The following FARP1 variants were observed in gnomAD, a reference collection of about 807,000 sequenced individuals.
The protein encoded by FARP1 is FERM, ARHGEF and pleckstrin domain-containing protein 1.
FARP1 carries 52 observed loss-of-function variants against 128.8 expected under a neutral mutation model. The observed-to-expected ratio is 0.40, with a 90% CI of 0.32 to 0.51. The LOEUF (loss-of-function observed/expected upper bound fraction) is 0.51, where lower values mean the gene tolerates loss of function less well. FARP1 is among the 20% of genes least tolerant of loss of function. FARP1 has a pLI of 0.45. For synonymous variants in FARP1, 580 were observed against 551.8 expected (o/e 1.05, Z -0.72); for missense variants, 1,333 against 1,367.9 (o/e 0.97, Z 0.40).
At chr13:98,234,362 T>G (rs1312765463) in intron 2 of FARP1, 7 of 152,222 alleles carry the variant, frequency 4.6e-5, no homozygotes, top group Non-Finnish European at 1.0e-4. Flanking sequence ...ATCTCAAACA[T>G]GAGAGAGCAT....
At chr13:98,222,595 G>T (rs1156700337) in intron 2 of FARP1, among the ~76,000 whole-genome samples, 1 of 151,688 alleles carries the variant, frequency 6.6e-6, no homozygotes. Context: ...CTGTGCTAGT[G>T]CCTGTGACAG....
At chr13:98,371,552 T>A (rs1889331613) in intron 5 of FARP1, among the ~76,000 whole-genome samples, 1 of 145,070 alleles carries the variant, frequency 6.9e-6, no homozygotes, top group Non-Finnish European at 1.6e-5. Flanking sequence ...TGATCTGAAA[T>A]TCCTACTTTT....
chr13:98,375,863 A>G (rs971333534), intron 5 of FARP1, among the ~76,000 whole-genome samples: 4 of 152,156 alleles, frequency 2.6e-5, no homozygotes, highest in Admixed American at 2.6e-4. Context: ...TCCTGACTTC[A>G]GGTGATCCAC....
At position 98,454,538 on chromosome 13, in the gene FARP1, A is replaced by G. The variant is rs879627791; in HGVS notation, c.*6221A>G. 5 of 152,348 alleles carry G rather than the reference A, an allele frequency of 3.3e-5. No homozygotes were observed. The highest frequency in any genetic ancestry group is 6.5e-5 in the Admixed American group (1 of 15,306). 9.4% of individuals were successfully genotyped at this position (152,348 alleles called of 1,614,324 possible). On this transcript the variant is annotated 3_prime_UTR_variant, in exon 27 of 27. Coordinates refer to ENST00000319562, the MANE Select transcript of FARP1 (RefSeq NM_005766.4). The stretch of plus-strand genomic sequence containing the variant: ...TAGCCACGGAGCCTAAGACTCAACT[A>G]TCAAGAAATACAAATGACTAAATCA...
At position 98,455,013 on chromosome 13, in the gene FARP1, G is replaced by A. The variant is rs142593405; in HGVS notation, c.*6696G>A. The A allele has an allele frequency of 1.3e-5, 2 of 152,342 alleles. No individual in the cohort carries two copies. The highest frequency in any genetic ancestry group is 2.1e-4 in the South Asian group (1 of 4,826). The allele number at this position is 152,342 out of a possible 1,614,324, so 9.4% of individuals were successfully genotyped here. ...GGTAAATAGGGTCAACCCCAGCCAC[G>A]ATGCCCAGTGAGCACGTAAAATGTG... On this transcript the variant is annotated 3_prime_UTR_variant, in exon 27 of 27. Transcript: ENST00000319562.
rs1893249923 is a variant in FARP1, at chr13:98,452,539, C to A, written c.*4222C>A. ...AGGGGCATTAATTATTAATGACAAA[C>A]CCTGCAAATACAAAATAAAACCCAA... On this transcript the variant is annotated 3_prime_UTR_variant, in exon 27 of 27. Coordinates refer to ENST00000319562, the MANE Select transcript of FARP1 (RefSeq NM_005766.4). 6.6e-6 allele frequency: 1 copy of A among 152,532 alleles called. No individual in the cohort carries two copies. Among genetic ancestry groups the A allele is most frequent in the Non-Finnish European group, 1.5e-5 (1 of 68,036 alleles). The allele number at this position is 152,532 out of a possible 1,614,324, so 9.4% of individuals were successfully genotyped here.
rs142691484 is a variant in FARP1, at chr13:98,273,648, G to A, written c.171+60235G>A. On this transcript the variant is annotated intron_variant, in intron 2 of 26. Coordinates refer to ENST00000319562, the MANE Select transcript of FARP1 (RefSeq NM_005766.4). Reference sequence around the variant, plus strand: ...TGTCCACGGAAGCATCTGGCACAGTGGGCATTCAGTAAGCGTTTGTTGAAG... The same window carrying A: ...TGTCCACGGAAGCATCTGGCACAGTAGGCATTCAGTAAGCGTTTGTTGAAG... Among the ~76,000 whole-genome samples, 123 of 152,326 alleles carry A rather than the reference G, an allele frequency of 8.1e-4. 2 individuals are homozygous for A. Among genetic ancestry groups the A allele is most frequent in the East Asian group, 5.8e-3 (30 of 5,194 alleles).
At chr13:98,427,916 T>G (rs1891848201) in intron 17 of FARP1, among the ~76,000 whole-genome samples, 1 of 152,172 alleles carries the variant, frequency 6.6e-6, no homozygotes, top group Non-Finnish European at 1.5e-5. Flanking sequence ...TTTTTTTAAT[T>G]GCTGTTTTTA....
At chr13:98,228,303 T>A (rs1881911948) in intron 2 of FARP1, among the ~76,000 whole-genome samples, 1 of 152,192 alleles carries the variant, frequency 6.6e-6, no homozygotes, top group African/African-American at 2.4e-5. Flanking sequence ...GAGGCTGCCG[T>A]GAGCCAAGAT....
chr13:98,280,155 C>A (rs920989712), intron 2 of FARP1, among the ~76,000 whole-genome samples: 6 of 152,226 alleles, frequency 3.9e-5, no homozygotes, highest in African/African-American at 1.2e-4. Flanking sequence ...GGAAATCCTT[C>A]TTTAACACAC....
intron 1 of FARP1, among the ~76,000 whole-genome samples, chr13:98,201,133 T>C (rs1879915956): frequency 1.3e-5 from 2 of 152,172 alleles, no homozygotes; most frequent in South Asian, 2.1e-4. Context: ...AACTCAAAGA[T>C]GGTGTTTTAG....
At chr13:98,306,063 C>G (rs115424392) in intron 2 of FARP1, among the ~76,000 whole-genome samples, 1 of 152,174 alleles carries the variant, frequency 6.6e-6, no homozygotes, top group African/African-American at 2.4e-5. Flanking sequence ...GGGTTGGTCA[C>G]TGATCATGCA....
At chr13:98,215,327 A>T (rs979519699) in intron 2 of FARP1, among the ~76,000 whole-genome samples, 1 of 152,174 alleles carries the variant, frequency 6.6e-6, no homozygotes, top group Non-Finnish European at 1.5e-5. Context: ...AAGCCCTATC[A>T]GTTTTACCTG....
At chr13:98,380,674 G>A (rs1271960021) in intron 6 of FARP1, among the ~76,000 whole-genome samples, 1 of 151,892 alleles carries the variant, frequency 6.6e-6, no homozygotes, top group Non-Finnish European at 1.5e-5. Context: ...CCTGGAATCA[G>A]GCAATCCTCC....
At chr13:98,280,800 A>T (rs1884898033) in intron 2 of FARP1, among the ~76,000 whole-genome samples, 1 of 152,192 alleles carries the variant, frequency 6.6e-6, no homozygotes, top group African/African-American at 2.4e-5. Flanking sequence ...GCACGATCGT[A>T]TTCTTTCTCT....
chr13:98,191,170 G>A lies in FARP1; in HGVS notation c.-23-22050G>A, dbSNP rs184087026. Among the ~76,000 whole-genome samples the A allele has an allele frequency of 1.5e-4, 23 of 152,220 alleles. No homozygotes were observed. The East Asian group carries it at 4.3e-3, about 28-fold the overall frequency. On this transcript the variant is annotated intron_variant, in intron 1 of 26. Coordinates refer to ENST00000319562, the MANE Select transcript of FARP1 (RefSeq NM_005766.4). ...CTGATGCTGCTAGGTTCCTCATAAT[G>A]GTGCCTGTTTTTCCTATTTCCAGGA...
chr13:98,263,634 A>T (rs928937610), intron 2 of FARP1, among the ~76,000 whole-genome samples: 8 of 152,230 alleles, frequency 5.3e-5, no homozygotes, highest in African/African-American at 1.9e-4. Flanking sequence ...TTGCTCTTTG[A>T]AGCAATCTCT....
chr13:98,178,600 G>A (rs1878276760), intron 1 of FARP1, among the ~76,000 whole-genome samples: 1 of 152,134 alleles, frequency 6.6e-6, no homozygotes, highest in Admixed American at 6.5e-5. Flanking sequence ...GCCAGTGCAT[G>A]TCATAAAGTG....
At chr13:98,153,297 A>AATATATATTTATATATAATATATATAAAT (rs375607675) in intron 1 of FARP1, among the ~76,000 whole-genome samples, 1 of 115,000 alleles carries the variant, frequency 8.7e-6, no homozygotes, top group Non-Finnish European at 1.8e-5. Context: ...AATATATATA[A>AATATATATTTATATATAATATATATAAAT]ATATATTTAT....
Sources: gnomAD v4.1 joint callset for allele counts (sites outside exome capture counted in the v4.1 genomes callset) on GRCh38, gnomAD v4.1.1 for gene constraint, MANE v1.5 for transcripts, NCBI Gene and HGNC (gene_info 2026-07-23, HGNC 2026-07-21) for gene names.